The following GRM7 variants were observed in gnomAD, a reference collection of about 807,000 sequenced individuals.
GRM7 encodes the protein metabotropic glutamate receptor 7.
Under a neutral mutation model 84.5 loss-of-function variants are expected in GRM7, and 35 were observed. That is an observed-to-expected ratio of 0.41 (90% CI 0.32 to 0.55). The LOEUF (loss-of-function observed/expected upper bound fraction) is 0.55. Among genes scored for constraint, GRM7 ranks in the 20% least tolerant of loss-of-function variants. GRM7 has a pLI of 0.19. For synonymous variants in GRM7, 487 were observed against 455.1 expected, an observed-to-expected ratio of 1.07 and a Z score of -0.89; for missense variants, 1,003 against 1,194.6, an observed-to-expected ratio of 0.84 and a Z score of 2.36.
intron 1 of GRM7, among the ~76,000 whole-genome samples, chr3:7,079,902 A>G (rs1369641179): frequency 2.0e-5 from 3 of 152,158 alleles, no homozygotes; most frequent in Non-Finnish European, 4.4e-5. Context: ...CAAGTGCTCA[A>G]TAAGTGTTTG....
chr3:7,162,594 A>G (rs1382337414), intron 2 of GRM7, among the ~76,000 whole-genome samples: 3 of 152,040 alleles, frequency 2.0e-5, no homozygotes, highest in Non-Finnish European at 4.4e-5. Flanking sequence ...GTAATAGTGA[A>G]TAGACAATTT....
chr3:7,097,487 G>A (rs138262547), intron 1 of GRM7, among the ~76,000 whole-genome samples: 2 of 152,010 alleles, frequency 1.3e-5, no homozygotes, highest in Non-Finnish European at 2.9e-5. Flanking sequence ...CCTGTGGGGT[G>A]GAATCTAAAT....
chr3:7,053,248 T>C (rs918856240), intron 1 of GRM7, among the ~76,000 whole-genome samples: 4 of 151,354 alleles, frequency 2.6e-5, no homozygotes, highest in African/African-American at 9.7e-5. Flanking sequence ...TTAGTTATCT[T>C]ATTATTGAAT....
intron 8 of GRM7, among the ~76,000 whole-genome samples, chr3:7,627,572 T>C (rs1232602956): frequency 2.0e-5 from 3 of 152,212 alleles, no homozygotes; most frequent in Admixed American, 2.0e-4. Context: ...AAGCTTATTG[T>C]AGTTCACTGG....
intron 2 of GRM7, among the ~76,000 whole-genome samples, chr3:7,205,420 T>C (rs1424264637): frequency 6.6e-6 from 1 of 152,214 alleles, no homozygotes; most frequent in South Asian, 2.1e-4. Context: ...CTTCTGATGG[T>C]GCCAGGGAAC....
At chr3:7,714,161 A>G (rs1223429271) in intron 9 of GRM7, among the ~76,000 whole-genome samples, 7 of 152,226 alleles carry the variant, frequency 4.6e-5, no homozygotes, top group Non-Finnish European at 5.9e-5. Flanking sequence ...TGTGCCATCC[A>G]GAAGGCTTGG....
At chr3:7,071,395 C>T (rs1697877680) in intron 1 of GRM7, among the ~76,000 whole-genome samples, 1 of 152,126 alleles carries the variant, frequency 6.6e-6, no homozygotes, top group Non-Finnish European at 1.5e-5. Flanking sequence ...TCCATCCCTG[C>T]TTTTAAAGAG....
rs71043686 is a variant in GRM7, at chr3:7,661,794, C to CAAAAAAAAAAAAAAAAAAAAAA, written c.2452-18250_2452-18229dup. Among the ~76,000 whole-genome samples the CAAAAAAAAAAAAAAAAAAAAAA allele has an allele frequency of 2.8e-3, 80 of 28,196 alleles. 9 individuals carry two copies. The highest frequency in any genetic ancestry group is 3.0e-3 in the Non-Finnish European group (51 of 17,180). 18.5% of individuals were successfully genotyped at this position (28,196 alleles called of 152,430 possible). A position where few individuals can be genotyped will look rare whatever the true frequency, so the allele number is the denominator to read the frequency against. On this transcript the variant is annotated intron_variant, in intron 8 of 9. Transcript: ENST00000357716. Reference sequence around the variant, plus strand: ...GGGCCACAGAGCGAGGTCTCCGTCTCAAAAAAAAAAAAAAAAAAAAAAAAA... The same window carrying CAAAAAAAAAAAAAAAAAAAAAA: ...GGGCCACAGAGCGAGGTCTCCGTCTCAAAAAAAAAAAAAAAAAAAAAAAAAAAAAAAAAAAAAAAAAAAAAAA...
At chr3:7,096,191 A>G (rs563561397) in intron 1 of GRM7, among the ~76,000 whole-genome samples, 3 of 152,166 alleles carry the variant, frequency 2.0e-5, no homozygotes, top group Admixed American at 2.0e-4. Context: ...AAACTCCACT[A>G]ATGTGACACC....
At chr3:6,901,313 A>G (rs1010957031) in intron 1 of GRM7, among the ~76,000 whole-genome samples, 1 of 152,180 alleles carries the variant, frequency 6.6e-6, no homozygotes. Context: ...AAGAAGATTT[A>G]TGTAGGCTGG....
intron 1 of GRM7, among the ~76,000 whole-genome samples, chr3:7,024,431 A>T (rs955525498): frequency 6.6e-6 from 1 of 152,262 alleles, no homozygotes; most frequent in Non-Finnish European, 1.5e-5. Context: ...GCACCATGCC[A>T]TAGAGGAAAG....
chr3:7,328,653 C>T (rs1415465173), intron 4 of GRM7, among the ~76,000 whole-genome samples: 1 of 152,164 alleles, frequency 6.6e-6, no homozygotes, highest in African/African-American at 2.4e-5. Context: ...AGACTTTCTG[C>T]TTTTGGAATA....
chr3:7,499,386 A>T (rs1699810151), intron 7 of GRM7, among the ~76,000 whole-genome samples: 1 of 152,198 alleles, frequency 6.6e-6, no homozygotes, highest in South Asian at 2.1e-4. Flanking sequence ...GCCTCCTGAT[A>T]GTCAATGAAT....
intron 2 of GRM7, among the ~76,000 whole-genome samples, chr3:7,279,218 C>G (rs908334947): frequency 1.3e-5 from 2 of 152,066 alleles, no homozygotes; most frequent in African/African-American, 4.8e-5. Flanking sequence ...AAAATCTAAG[C>G]AAACCTCCAT....
chr3:7,707,488 A>G (rs952634204), intron 9 of GRM7, among the ~76,000 whole-genome samples: 6 of 152,144 alleles, frequency 3.9e-5, no homozygotes, highest in Admixed American at 6.6e-5. Context: ...GGCAGTTTCC[A>G]TGGAGGCCGC....
chr3:7,708,034 A>T (rs1701448817), intron 9 of GRM7, among the ~76,000 whole-genome samples: 1 of 150,692 alleles, frequency 6.6e-6, no homozygotes, highest in South Asian at 2.1e-4. Context: ...TAAAATTGGG[A>T]ATATCATGGA....
chr3:7,588,606 A>C (rs888988937), intron 8 of GRM7, among the ~76,000 whole-genome samples: 3 of 152,188 alleles, frequency 2.0e-5, no homozygotes, highest in African/African-American at 7.2e-5. Flanking sequence ...ACGGGTCACA[A>C]ATAGTCAATA....
intron 1 of GRM7, among the ~76,000 whole-genome samples, chr3:7,084,849 T>G (rs1023055657): frequency 6.6e-6 from 1 of 152,130 alleles, no homozygotes; most frequent in African/African-American, 2.4e-5. Flanking sequence ...TTTAAAAAAT[T>G]AGCTCAAGAA....
intron 9 of GRM7, among the ~76,000 whole-genome samples, chr3:7,698,760 T>C (rs1701114419): frequency 6.6e-6 from 1 of 152,180 alleles, no homozygotes; most frequent in Admixed American, 6.5e-5. Flanking sequence ...AGAAATTGCC[T>C]AATGTTTTCT....
Sources: allele counts gnomAD v4.1 joint callset (sites outside exome capture counted in the v4.1 genomes callset), GRCh38; gene constraint gnomAD v4.1.1; transcripts MANE v1.5; gene names NCBI Gene and HGNC (gene_info 2026-07-23, HGNC 2026-07-21).